RIT2: variants seen among roughly 807,000 people sequenced by gnomAD.
The protein encoded by RIT2 is GTP-binding protein Rit2.
Under a neutral mutation model 23.7 loss-of-function variants are expected in RIT2, and 24 were observed. The observed-to-expected ratio is 1.01, with a 90% CI of 0.73 to 1.43. The LOEUF is 1.43. Among genes scored for constraint, RIT2 ranks in the 40% most tolerant of loss-of-function variants. RIT2 has a pLI of 0.00. For synonymous variants in RIT2, 107 were observed against 91.1 expected (o/e 1.17, Z -0.99); for missense variants, 236 against 266.9 (o/e 0.88, Z 0.81).
At chr18:42,775,070 G>C (rs1167924127) in intron 4 of RIT2, among the ~76,000 whole-genome samples, 1 of 152,146 alleles carries the variant, frequency 6.6e-6, no homozygotes, top group Non-Finnish European at 1.5e-5. Context: ...TGATATAACA[G>C]GGAGTCCAAG....
intron 1 of RIT2, among the ~76,000 whole-genome samples, chr18:43,108,064 T>C (rs1196508240): frequency 6.6e-6 from 1 of 150,532 alleles, no homozygotes; most frequent in Non-Finnish European, 1.5e-5. Flanking sequence ...GTCCCAGTTA[T>C]TCGGGGAGGC....
intron 2 of RIT2, among the ~76,000 whole-genome samples, chr18:42,999,088 C>A (rs1260239751): frequency 6.6e-6 from 1 of 152,014 alleles, no homozygotes; most frequent in African/African-American, 2.4e-5. Context: ...CTACCCCTTT[C>A]CCGTCTCGAA....
At chr18:42,939,823 C>CA (rs930509205) in intron 3 of RIT2, among the ~76,000 whole-genome samples, 13 of 151,608 alleles carry the variant, frequency 8.6e-5, no homozygotes, top group African/African-American at 2.2e-4. Context: ...TCATATAATA[C>CA]AAAAAACAAA....
chr18:42,994,481 C>T (rs946299158), intron 2 of RIT2, among the ~76,000 whole-genome samples: 8 of 152,130 alleles, frequency 5.3e-5, no homozygotes, highest in African/African-American at 1.9e-4. Flanking sequence ...ATCATATAAA[C>T]TCACAAAAGG....
At chr18:42,877,520 CTATATA>C (rs144405918) in intron 4 of RIT2, among the ~76,000 whole-genome samples, 29 of 143,748 alleles carry the variant, frequency 2.0e-4, no homozygotes, top group African/African-American at 7.4e-4. Flanking sequence ...TTTGTATACA[CTATATA>C]TATATATATA....
chr18:42,923,063 G>A lies in RIT2; in HGVS notation c.426+509C>T, dbSNP rs577768814. On this transcript the variant is annotated intron_variant, in intron 4 of 4. Transcript: ENST00000326695. ...CCTGGGAGATTTTCGTGTTCTATGTGGATTGGCTGGCTATGTTATGAGGTT... is the reference window on the plus strand; with the variant it reads ...CCTGGGAGATTTTCGTGTTCTATGTAGATTGGCTGGCTATGTTATGAGGTT... Among the ~76,000 whole-genome samples, 16 of 152,220 alleles carry A rather than the reference G, an allele frequency of 1.1e-4. No individual in the cohort carries two copies. The East Asian group carries it at 3.1e-3, about 29-fold the overall frequency.
intron 2 of RIT2, among the ~76,000 whole-genome samples, chr18:42,996,252 G>T (rs1038361346): frequency 2.6e-5 from 4 of 151,948 alleles, no homozygotes; most frequent in Non-Finnish European, 4.4e-5. Context: ...TCCCACTCTA[G>T]GTTCCCACGC....
At chr18:43,046,785 A>G (rs1013168896) in intron 1 of RIT2, among the ~76,000 whole-genome samples, 8 of 152,232 alleles carry the variant, frequency 5.3e-5, no homozygotes, top group Admixed American at 5.2e-4. Flanking sequence ...ATACTTTAGT[A>G]TATTGAACAC....
At chr18:42,751,132 G>C (rs1415944844) in intron 4 of RIT2, among the ~76,000 whole-genome samples, 1 of 151,852 alleles carries the variant, frequency 6.6e-6, no homozygotes, top group Non-Finnish European at 1.5e-5. Flanking sequence ...TTCCAAATCA[G>C]TGGAGAAATG....
chr18:42,816,000 C>T (rs927766386), intron 4 of RIT2, among the ~76,000 whole-genome samples: 6 of 152,140 alleles, frequency 3.9e-5, no homozygotes, highest in African/African-American at 1.4e-4. Flanking sequence ...ATCCAGTCTA[C>T]ACAGAAAGCA....
intron 4 of RIT2, among the ~76,000 whole-genome samples, chr18:42,782,411 C>T (rs1244392957): frequency 6.6e-6 from 1 of 152,002 alleles, no homozygotes; most frequent in African/African-American, 2.4e-5. Flanking sequence ...TTTATATTTA[C>T]ATATATCTTA....
rs1912836641 is a variant in RIT2 at position 42,743,353 on chromosome 18, T to C, written c.*140A>G. On this transcript the variant is annotated 3_prime_UTR_variant, in exon 5 of 5. Coordinates refer to ENST00000326695, the MANE Select transcript of RIT2 (RefSeq NM_002930.4). Reference sequence around the variant, plus strand: ...AAAACTATCTCAAGAGGTACAGATATGCAGAGCTTGCTTTTACCTACAGGC... The same window carrying C: ...AAAACTATCTCAAGAGGTACAGATACGCAGAGCTTGCTTTTACCTACAGGC... 14 of 657,178 alleles carry C rather than the reference T, an allele frequency of 2.1e-5. No individual in the cohort carries two copies. Among genetic ancestry groups the C allele is most frequent in the African/African-American group, 3.6e-5 (2 of 54,838 alleles). 40.7% of individuals were successfully genotyped at this position (657,178 alleles called of 1,614,324 possible).
At chr18:43,003,277 CAAAG>C (rs1911149894) in intron 2 of RIT2, among the ~76,000 whole-genome samples, 1 of 151,828 alleles carries the variant, frequency 6.6e-6, no homozygotes, top group African/African-American at 2.4e-5. Context: ...ATTCAGGAAA[CAAAG>C]AAACATATTT....
chr18:43,006,428 G>A (rs1911229935), intron 2 of RIT2, among the ~76,000 whole-genome samples: 2 of 151,558 alleles, frequency 1.3e-5, no homozygotes, highest in South Asian at 4.1e-4. Flanking sequence ...ATTTGAGAAT[G>A]TTACCCAGTG....
At chr18:42,748,426 A>C (rs972010221) in intron 4 of RIT2, among the ~76,000 whole-genome samples, 1 of 151,946 alleles carries the variant, frequency 6.6e-6, no homozygotes, top group Non-Finnish European at 1.5e-5. Context: ...TTATCAAAAA[A>C]AAACAAACAA....
intron 2 of RIT2, among the ~76,000 whole-genome samples, chr18:42,991,812 A>G (rs779057813): frequency 3.1e-4 from 46 of 150,770 alleles, no homozygotes; most frequent in Non-Finnish European, 6.6e-4. Context: ...ATTTTCCTCT[A>G]CCTACCCAAA....
chr18:42,756,768 A>G (rs1913173113), intron 4 of RIT2, among the ~76,000 whole-genome samples: 2 of 152,128 alleles, frequency 1.3e-5, no homozygotes, highest in South Asian at 4.1e-4. Flanking sequence ...CTGAACCTTC[A>G]GGGGATTGGT....
At chr18:42,861,620 C>T (rs1464608656) in intron 4 of RIT2, among the ~76,000 whole-genome samples, 1 of 152,202 alleles carries the variant, frequency 6.6e-6, no homozygotes, top group African/African-American at 2.4e-5. Context: ...CAGAGACCCC[C>T]ATCTCTTTCT....
intron 4 of RIT2, among the ~76,000 whole-genome samples, chr18:42,836,038 T>C (rs755222154): frequency 6.6e-6 from 1 of 152,194 alleles, no homozygotes; most frequent in Non-Finnish European, 1.5e-5. Context: ...ATCTTATTTC[T>C]TATTTAAGAA....
Sources: gnomAD v4.1 joint callset for allele counts (sites outside exome capture counted in the v4.1 genomes callset) on GRCh38, gnomAD v4.1.1 for gene constraint, MANE v1.5 for transcripts, NCBI Gene and HGNC (gene_info 2026-07-23, HGNC 2026-07-21) for gene names.